Variants in IL6R observed in about 807,000 individuals in gnomAD.
IL6R encodes the protein interleukin 6 receptor.
Under a neutral mutation model 48.3 loss-of-function variants are expected in IL6R, and 38 were observed. The ratio of observed to expected loss-of-function variants is 0.79; its 90% confidence interval spans 0.61 to 1.03. The LOEUF (loss-of-function observed/expected upper bound fraction) is 1.03, where lower values mean the gene tolerates loss of function less well. Ranked by LOEUF, IL6R falls within the 50% of genes least tolerant of loss-of-function variation. The pLI is 0.00. For missense variants in IL6R, 534 were observed against 618.3 expected (o/e 0.86, Z 1.45); for synonymous variants, 264 against 256.2 (o/e 1.03, Z -0.29).
At chr1:154,456,478 AT>A (rs1445304937) in intron 9 of IL6R, among the ~76,000 whole-genome samples, 1 of 152,180 alleles carries the variant, frequency 6.6e-6, no homozygotes, top group Non-Finnish European at 1.5e-5. Flanking sequence ...AAGTGCTGGG[AT>A]TACAGGCGTG....
At chr1:154,454,458 C>T (rs751240419) in intron 8 of IL6R, 30 bp from the exon 9 acceptor site, 2 of 1,394,486 alleles carry the variant, frequency 1.4e-6, no homozygotes, top group Non-Finnish European at 2.0e-6. Flanking sequence ...TCCTCTTCCT[C>T]CTCTATCTTC....
intron 1 of IL6R, among the ~76,000 whole-genome samples, chr1:154,410,245 G>T (rs1049733896): frequency 6.6e-6 from 1 of 151,524 alleles, no homozygotes; most frequent in Non-Finnish European, 1.5e-5. Flanking sequence ...AGGTGACAAA[G>T]AAAAGGCCTT....
At chr1:154,412,073 G>A (rs1250157376) in intron 1 of IL6R, among the ~76,000 whole-genome samples, 3 of 148,098 alleles carry the variant, frequency 2.0e-5, no homozygotes, top group Non-Finnish European at 3.0e-5. Context: ...TCAGCCTCCC[G>A]AGTAGCTGGG....
chr1:154,412,653 A>C (rs1381673062), intron 1 of IL6R, among the ~76,000 whole-genome samples: 1 of 152,224 alleles, frequency 6.6e-6, no homozygotes, highest in Non-Finnish European at 1.5e-5. Context: ...TGGGGATAAT[A>C]ATTAAAATCG....
chr1:154,428,223 T>C (rs1302268541), intron 1 of IL6R, among the ~76,000 whole-genome samples: 1 of 152,162 alleles, frequency 6.6e-6, no homozygotes, highest in Non-Finnish European at 1.5e-5. Flanking sequence ...TTTTCTTGAG[T>C]AGTAGAATAC....
Position 154,405,452 on chromosome 1 carries a change from G to A in IL6R, c.-178G>A, listed in dbSNP as rs1235949746. 1.6e-5 allele frequency: 9 copies of A among 568,326 alleles called. No individual in the cohort carries two copies. The highest frequency in any genetic ancestry group is 2.7e-5 in the Non-Finnish European group (9 of 335,340). 35.2% of individuals were successfully genotyped at this position (568,326 alleles called of 1,614,324 possible). On this transcript the variant is annotated 5_prime_UTR_variant, in exon 1 of 10. Transcript: ENST00000368485. The surrounding 1 kb of genome is among the most constrained non-coding windows in gnomAD (Gnocchi z 5.2). ...AGGGAGAGGAGCCGAGCGCGGCGCG[G>A]GGCCGAGGGACTCGCAGTGTGTGTA...
At chr1:154,407,068 C>G (rs1687768463) in intron 1 of IL6R, among the ~76,000 whole-genome samples, 1 of 152,128 alleles carries the variant, frequency 6.6e-6, no homozygotes, top group African/African-American at 2.4e-5. Context: ...AAATATAGAA[C>G]TAGATCAGCA....
intron 1 of IL6R, among the ~76,000 whole-genome samples, chr1:154,427,345 T>G (rs2149232047): frequency 6.6e-6 from 1 of 152,320 alleles, no homozygotes; most frequent in South Asian, 2.1e-4. Context: ...AGTGCCTGGC[T>G]GCTGCAGCCT....
At chr1:154,445,654 GC>G (rs1211388207) in intron 6 of IL6R, among the ~76,000 whole-genome samples, 1 of 151,876 alleles carries the variant, frequency 6.6e-6, no homozygotes, top group African/African-American at 2.4e-5. Flanking sequence ...GGAGGCTGAG[GC>G]AGGAGAATGG....
intron 6 of IL6R, among the ~76,000 whole-genome samples, chr1:154,445,744 G>A (rs561936056): frequency 8.5e-6 from 1 of 117,588 alleles, no homozygotes; most frequent in Non-Finnish European, 1.7e-5. Context: ...AGCGAGACTC[G>A]GTCTCAAAAA....
At chr1:154,423,950 C>T (rs1688832558) in intron 1 of IL6R, among the ~76,000 whole-genome samples, 1 of 152,212 alleles carries the variant, frequency 6.6e-6, no homozygotes, top group Admixed American at 6.5e-5. Flanking sequence ...ATTGTTCAGG[C>T]TGGCCGCTAA....
At chr1:154,451,725 G>A (rs1016371561) in intron 8 of IL6R, among the ~76,000 whole-genome samples, 4 of 151,770 alleles carry the variant, frequency 2.6e-5, no homozygotes, top group Admixed American at 1.3e-4. Flanking sequence ...TAGTAGAAAC[G>A]GGGTTTCTCC....
rs114993651 is a variant in IL6R, at chr1:154,428,931, G to A, written c.86-265G>A. Among the ~76,000 whole-genome samples, 518 of 152,286 alleles carry A rather than the reference G, an allele frequency of 3.4e-3. 3 individuals are homozygous for A. The highest frequency in any genetic ancestry group is 0.011 in the African/African-American group (471 of 41,560). ...TGAGGAGCTTGGACTTCATCTTGTG[G>A]ATGGTGGCAGGCCCTTGAAGGGTTT... is the stretch of plus-strand genomic sequence containing the variant. On this transcript the variant is annotated intron_variant, in intron 1 of 9. Coordinates refer to ENST00000368485, the MANE Select transcript of IL6R (RefSeq NM_000565.4).
intron 1 of IL6R, among the ~76,000 whole-genome samples, chr1:154,413,058 G>A (rs550908152): frequency 1.7e-4 from 26 of 149,376 alleles, no homozygotes; most frequent in African/African-American, 6.2e-4. Context: ...CTTGAGTGCA[G>A]TGGCACGATG....
chr1:154,422,715 T>C (rs935371242), intron 1 of IL6R, among the ~76,000 whole-genome samples: 14 of 152,202 alleles, frequency 9.2e-5, no homozygotes, highest in African/African-American at 3.1e-4. Context: ...AATTTCAGTG[T>C]GTGCACCAGC....
At chr1:154,423,940 A>G (rs919426061) in intron 1 of IL6R, among the ~76,000 whole-genome samples, 1 of 152,198 alleles carries the variant, frequency 6.6e-6, no homozygotes, top group Non-Finnish European at 1.5e-5. Context: ...AGCCCCTGCT[A>G]TTGTTCAGGC....
chr1:154,463,586 C>T (rs1225269775), intron 9 of IL6R, among the ~76,000 whole-genome samples: 4 of 152,194 alleles, frequency 2.6e-5, no homozygotes, highest in Non-Finnish European at 5.9e-5. Flanking sequence ...TGAGGGAGGC[C>T]ACCTTGTTCC....
In IL6R at chr1:154,405,625, G is replaced by T; in HGVS notation, c.-5G>T. 2 of 1,532,732 alleles carry T rather than the reference G, an allele frequency of 1.3e-6. No homozygotes were observed. The highest frequency in any genetic ancestry group is 2.8e-5 in the African/African-American group (2 of 72,134). 94.9% of individuals were successfully genotyped at this position (1,532,732 alleles called of 1,614,324 possible). A position where few individuals can be genotyped will look rare whatever the true frequency, so the allele number is the denominator to read the frequency against. On this transcript the variant is annotated 5_prime_UTR_variant, in exon 1 of 10. Transcript: ENST00000368485. This position sits in a 1 kb window ranked among gnomAD's most constrained non-coding sequence, Gnocchi z 5.2. ...GGACCATGGAGTGGTAGCCGAGGAG[G>T]AAGCATGCTGGCCGTCGGCTGCGCG... is the stretch of plus-strand genomic sequence containing the variant.
intron 6 of IL6R, among the ~76,000 whole-genome samples, chr1:154,446,433 C>T (rs1009968553): frequency 6.6e-6 from 1 of 152,320 alleles, no homozygotes. Context: ...CTCCCCGCCT[C>T]CTTGCTAGTC....
Sources: gnomAD v4.1 joint callset for allele counts (sites outside exome capture counted in the v4.1 genomes callset) on GRCh38, gnomAD v4.1.1 for gene constraint, Gnocchi (gnomAD v3.1) non-coding constraint, MANE v1.5 for transcripts, NCBI Gene and HGNC (gene_info 2026-07-23, HGNC 2026-07-21) for gene names.